Variants in TENM1 observed in about 807,000 individuals in gnomAD.
The protein encoded by TENM1 is teneurin transmembrane protein 1.
In TENM1, 35 loss-of-function variants were observed where a neutral mutation model predicts 174.8. The ratio of observed to expected loss-of-function variants is 0.20; its 90% CI spans 0.15 to 0.27. The LOEUF (loss-of-function observed/expected upper bound fraction) is 0.27, where lower values mean the gene tolerates loss of function less well. Ranked by LOEUF, TENM1 falls within the 10% of genes least tolerant of loss-of-function variation. The probability of loss-of-function intolerance (pLI) is 1.00; values close to 1 mark genes in which losing one functional copy is unlikely to be tolerated. For synonymous variants in TENM1, 781 were observed against 798.7 expected (o/e 0.98, Z 0.37); for missense variants, 1,633 against 2,130.1 (o/e 0.77, Z 4.59).
the TENM1 span, among the ~76,000 whole-genome samples, chrX:125,063,539 A>G: frequency 8.9e-6 from 1 of 112,370 alleles, no homozygotes; most frequent in Non-Finnish European, 1.9e-5. Flanking sequence ...ACATTTATGC[A>G]GCCAAAAGAC....
chrX:125,044,608 T>A, the TENM1 span, among the ~76,000 whole-genome samples: 19 of 110,444 alleles, frequency 1.7e-4, no homozygotes, highest in Middle Eastern at 4.7e-3. Context: ...TAAAAAATAA[T>A]AATAAAAAAT....
At chrX:124,750,995 G>T (rs1425738203) in intron 3 of TENM1, among the ~76,000 whole-genome samples, 3 of 112,104 alleles carry the variant, frequency 2.7e-5, no homozygotes, top group Non-Finnish European at 5.6e-5. Flanking sequence ...ATTTTGAGTA[G>T]CAAATATCTT....
chrX:125,112,947 G>T, the TENM1 span, among the ~76,000 whole-genome samples: 1 of 110,416 alleles, frequency 9.1e-6, no homozygotes, highest in East Asian at 2.8e-4. Flanking sequence ...AGAAATTGAC[G>T]AGCCAATTTT....
chrX:125,051,072 C>G, the TENM1 span, among the ~76,000 whole-genome samples: 1 of 111,588 alleles, frequency 9.0e-6, no homozygotes, highest in South Asian at 3.8e-4. Flanking sequence ...AGAGCCAAAT[C>G]ATGAGTGAAC....
chrX:124,727,915 T>C (rs751922131), intron 4 of TENM1, among the ~76,000 whole-genome samples: 1 of 112,197 alleles, frequency 8.9e-6, no homozygotes, highest in African/African-American at 3.2e-5. Context: ...CCTAAGCTCA[T>C]AGAGGTAATA....
At chrX:124,901,717 A>T (rs2147602679) in intron 1 of TENM1, among the ~76,000 whole-genome samples, 1 of 111,424 alleles carries the variant, frequency 9.0e-6, no homozygotes, top group Admixed American at 9.6e-5. Context: ...GGACTCAAGC[A>T]TTACAAGTAT....
chrX:124,683,284 C>T (rs181206469), intron 5 of TENM1, among the ~76,000 whole-genome samples: 11 of 111,714 alleles, frequency 9.8e-5, no homozygotes. Context: ...ATTTTTCTAC[C>T]TCAGTCTTGT....
intron 3 of TENM1, among the ~76,000 whole-genome samples, chrX:124,749,730 TA>T (rs1225940661): frequency 8.9e-6 from 1 of 112,147 alleles, no homozygotes; most frequent in African/African-American, 3.2e-5. Flanking sequence ...ACAGGAACTT[TA>T]TCATATTGGC....
chrX:124,492,375 T>C (rs1378469152), intron 20 of TENM1, among the ~76,000 whole-genome samples: 3 of 111,721 alleles, frequency 2.7e-5, no homozygotes, highest in African/African-American at 9.7e-5. Context: ...AGCACAGCCT[T>C]ATTAAATCAA....
At chrX:124,583,267 C>T (rs1311753415) in intron 11 of TENM1, among the ~76,000 whole-genome samples, 1 of 111,720 alleles carries the variant, frequency 9.0e-6, no homozygotes, top group East Asian at 2.8e-4. Flanking sequence ...CCCGAGCAGC[C>T]TAACTGGGAG....
chrX:124,937,002 C>T (rs1039515450), intron 1 of TENM1, among the ~76,000 whole-genome samples: 4 of 107,670 alleles, frequency 3.7e-5, no homozygotes, highest in African/African-American at 1.0e-4. Context: ...ACCACGATCA[C>T]GCCATTGCAC....
chrX:124,502,494 A>G (rs2047355558), intron 19 of TENM1, among the ~76,000 whole-genome samples: 1 of 112,714 alleles, frequency 8.9e-6, no homozygotes. Context: ...GTGAGTGGAA[A>G]AGAAACGGCT....
the TENM1 span, among the ~76,000 whole-genome samples, chrX:125,038,440 T>C: frequency 9.0e-6 from 1 of 111,067 alleles, no homozygotes; most frequent in African/African-American, 3.3e-5. Context: ...AATTAGCTAA[T>C]ATATTAAAGC....
chrX:124,643,942 T>A (rs1040925436), intron 10 of TENM1, among the ~76,000 whole-genome samples: 8 of 106,056 alleles, frequency 7.5e-5, no homozygotes, highest in Non-Finnish European at 1.2e-4. Flanking sequence ...AACTTAAATA[T>A]AATTATTTCA....
chrX:125,138,991 GCTGCT>G, the TENM1 span, among the ~76,000 whole-genome samples: 1 of 110,323 alleles, frequency 9.1e-6, no homozygotes, highest in East Asian at 2.9e-4. Flanking sequence ...GACTTCTGTG[GCTGCT>G]TTGTTATCAT....
rs769817729 is a variant in TENM1 at position 124,565,580 on chromosome X, G to T, written c.2078-20C>A. On this transcript the variant is annotated intron_variant, in intron 11 of 31. Transcript: ENST00000422452. ...ACAGCTCTGTGGGGAATTCAAAGAAGACATATTAACATATTTTGTTAAAAC... is the reference window on the plus strand; with the variant it reads ...ACAGCTCTGTGGGGAATTCAAAGAATACATATTAACATATTTTGTTAAAAC... 7 of 1,093,128 alleles carry T rather than the reference G, an allele frequency of 6.4e-6. No individual in the cohort carries two copies. In the Admixed American group the frequency reaches 1.6e-4, roughly 25 times the overall value. The allele number at this position is 1,093,128 out of a possible 1,213,427, so 90.1% of individuals were successfully genotyped here.
Position 124,471,348 on chromosome X carries a change from ATAT to A in TENM1, c.3949+10381_3949+10383del, listed in dbSNP as rs781490682. On this transcript the variant is annotated intron_variant, in intron 22 of 31. Coordinates refer to ENST00000422452, the Ensembl canonical transcript of TENM1. ...TAATATATAGTACTATATATAATAT[ATAT>A]TATAATATATAGTACTATATATTAT... 2.0e-4 allele frequency among the ~76,000 whole-genome samples: 2 copies of A among 10,170 alleles called. 1 individual carries two copies. Among genetic ancestry groups the A allele is most frequent in the Non-Finnish European group, 3.8e-4 (2 of 5,280 alleles). The allele number at this position is 10,170 out of a possible 115,157, so 8.8% of individuals were successfully genotyped here.
At chrX:124,527,429 A>C (rs748671177) in intron 16 of TENM1, among the ~76,000 whole-genome samples, 12 of 111,006 alleles carry the variant, frequency 1.1e-4, no homozygotes, top group Admixed American at 3.8e-4. Flanking sequence ...ATCCCACATG[A>C]CATATTTGCA....
chrX:124,825,158 CTTTTTTTTTT>C (rs745471230), intron 3 of TENM1, among the ~76,000 whole-genome samples: 1 of 61,007 alleles, frequency 1.6e-5, no homozygotes, highest in African/African-American at 6.3e-5. Context: ...AGCTGACTTT[CTTTTTTTTTT>C]TTTTTTTTTT....
Sources: allele counts gnomAD v4.1 joint callset (sites outside exome capture counted in the v4.1 genomes callset), GRCh38; gene constraint gnomAD v4.1.1; transcripts MANE v1.5; gene names NCBI Gene and HGNC (gene_info 2026-07-23, HGNC 2026-07-21).